The following DOCK3 variants were observed in gnomAD, a reference collection of about 807,000 sequenced individuals.
The protein encoded by DOCK3 is dedicator of cytokinesis 3.
DOCK3 carries 60 observed loss-of-function variants against 265.6 expected under a neutral mutation model. The observed-to-expected ratio is 0.23, with a 90% CI of 0.18 to 0.28. The LOEUF (loss-of-function observed/expected upper bound fraction) is 0.28. DOCK3 is among the 10% of genes least tolerant of loss of function. The pLI, the probability that DOCK3 is intolerant of heterozygous loss-of-function variation, is 1.00. For synonymous variants in DOCK3, 881 were observed against 938.0 expected (o/e 0.94, Z 1.11); for missense variants, 1,981 against 2,594.3 (o/e 0.76, Z 5.14).
intron 27 of DOCK3, among the ~76,000 whole-genome samples, chr3:51,287,001 A>G (rs1328212974): frequency 2.6e-5 from 4 of 152,244 alleles, no homozygotes; most frequent in Admixed American, 2.6e-4. Flanking sequence ...GCTTCTGCAC[A>G]GAAAAACTCT....
chr3:51,204,514 C>T (rs1217696944), intron 12 of DOCK3, among the ~76,000 whole-genome samples: 1 of 146,846 alleles, frequency 6.8e-6, no homozygotes, highest in Admixed American at 7.0e-5. Context: ...AGTCAGGAAA[C>T]AACAGGTGCT....
At chr3:50,747,288 G>T (rs2039508070) in intron 1 of DOCK3, among the ~76,000 whole-genome samples, 1 of 151,946 alleles carries the variant, frequency 6.6e-6, no homozygotes, top group South Asian at 2.1e-4. Flanking sequence ...AGTTGTCTTG[G>T]CTATTCTATG....
At chr3:51,004,079 G>A (rs2078578121) in intron 5 of DOCK3, among the ~76,000 whole-genome samples, 1 of 152,116 alleles carries the variant, frequency 6.6e-6, no homozygotes, top group Non-Finnish European at 1.5e-5. Context: ...GTGTGGGCTT[G>A]ATGTAATGAC....
chr3:51,279,249 T>C (rs2080986786), intron 26 of DOCK3, among the ~76,000 whole-genome samples: 1 of 151,962 alleles, frequency 6.6e-6, no homozygotes, highest in Non-Finnish European at 1.5e-5. Flanking sequence ...CAAAACTCCA[T>C]CCCAAAAAAC....
chr3:51,072,851 C>T (rs2081927310), intron 6 of DOCK3, among the ~76,000 whole-genome samples: 1 of 151,568 alleles, frequency 6.6e-6, no homozygotes, highest in South Asian at 2.1e-4. Flanking sequence ...ACTGCAGTCA[C>T]ATGCCATCAC....
At chr3:50,781,489 G>T (rs1310205709) in intron 2 of DOCK3, among the ~76,000 whole-genome samples, 2 of 151,930 alleles carry the variant, frequency 1.3e-5, no homozygotes, top group Non-Finnish European at 2.9e-5. Context: ...AGGCAGGCTG[G>T]TCTTGAGCTC....
chr3:50,832,932 A>G (rs1269845345), intron 2 of DOCK3, among the ~76,000 whole-genome samples: 1 of 152,204 alleles, frequency 6.6e-6, no homozygotes, highest in Non-Finnish European at 1.5e-5. Flanking sequence ...TAAGTCTTCA[A>G]TTTAAGAAAA....
At chr3:51,237,731 A>G (rs911323822) in intron 21 of DOCK3, 141 bp downstream of exon 21, 10 of 726,538 alleles carry the variant, frequency 1.4e-5, no homozygotes, top group Non-Finnish European at 1.6e-5. Context: ...TAAAATACAC[A>G]TAACACAAAA....
At chr3:50,711,464 A>G (rs986395258) in intron 1 of DOCK3, among the ~76,000 whole-genome samples, 19 of 152,018 alleles carry the variant, frequency 1.2e-4, no homozygotes, top group African/African-American at 3.9e-4. Context: ...GGGTTTCACC[A>G]TGTTAGCCAG....
intron 32 of DOCK3, among the ~76,000 whole-genome samples, chr3:51,322,537 G>A (rs6773260): frequency 0.87 from 132,751 of 152,196 alleles, 57,993 homozygotes; most frequent in East Asian, 0.94. Context: ...CAAGAATTTC[G>A]TATCCAGCCA....
At chr3:51,233,344 A>T (rs1560254246) in intron 19 of DOCK3, among the ~76,000 whole-genome samples, 2 of 38,294 alleles carry the variant, frequency 5.2e-5, no homozygotes, top group African/African-American at 1.4e-4. Flanking sequence ...CTATCTATCT[A>T]TCTATCTATC....
rs939479727 is a variant in DOCK3, at chr3:51,140,608, A to C, written c.747-5941A>C. The stretch of plus-strand genomic sequence containing the variant: ...CCATATGTTTTTATTTCTCTTGGAT[A>C]TATACCTAGGAGTAGAATTTCTGGG... On this transcript the variant is annotated intron_variant, in intron 9 of 52. Coordinates refer to ENST00000266037, the MANE Select transcript of DOCK3 (RefSeq NM_004947.5). Among the ~76,000 whole-genome samples, 3 of 152,094 alleles carry C rather than the reference A, an allele frequency of 2.0e-5. No homozygotes were observed. In the South Asian group the frequency reaches 6.2e-4, roughly 32 times the overall value.
chr3:51,072,764 G>A (rs4927961), intron 6 of DOCK3, among the ~76,000 whole-genome samples: 10,703 of 151,820 alleles, frequency 0.07, 961 homozygotes, highest in East Asian at 0.33. Flanking sequence ...CGAGTGAAGT[G>A]ACACAATAAT....
chr3:51,270,651 C>T (rs1560323015), intron 23 of DOCK3, among the ~76,000 whole-genome samples, 164 bp from the exon 24 acceptor site: 1 of 152,174 alleles, frequency 6.6e-6, no homozygotes, highest in Non-Finnish European at 1.5e-5. Context: ...GTTTTTCTTG[C>T]TCCATGCCTG....
chr3:51,112,081 A>T (rs1414697306), intron 9 of DOCK3, among the ~76,000 whole-genome samples: 1 of 152,176 alleles, frequency 6.6e-6, no homozygotes, highest in Non-Finnish European at 1.5e-5. Context: ...GAGGTTGTGG[A>T]GAAAAGGGAA....
intron 14 of DOCK3, among the ~76,000 whole-genome samples, chr3:51,219,683 T>G (rs925143204): frequency 2.0e-5 from 3 of 152,236 alleles, no homozygotes; most frequent in African/African-American, 7.2e-5. Flanking sequence ...TTTTTGGCTT[T>G]GTGGGACATA....
At position 51,277,645 on chromosome 3, in the gene DOCK3, A is replaced by T; in HGVS notation, c.2714A>T (p.Glu905Val). The T allele has an allele frequency of 6.3e-7, 1 of 1,579,804 alleles. No homozygotes were observed. The highest frequency in any genetic ancestry group is 8.6e-7 in the Non-Finnish European group (1 of 1,162,234). ...ATGGAGGAAGTAGAGATGATGGTGG[A>T]GAGCCTCCTGGACGTGCTCTTGCAG... is the stretch of plus-strand genomic sequence containing the variant. ...DVMEEVEMMV[E>V]SLLDVLLQTL... Residue 905 changes from glutamate (E) to valine (V), a missense_variant, in exon 26 of 53, where the codon GAG becomes GTG. By Grantham distance (121) the Glu-to-Val change is moderately radical. This residue lies in a region of DOCK3 where 1,357 missense variants were observed against 1,866.8 expected (regional missense o/e 0.73). Coordinates refer to ENST00000266037, the MANE Select transcript of DOCK3 (RefSeq NM_004947.5).
At chr3:50,724,991 C>A (rs76206614) in intron 1 of DOCK3, among the ~76,000 whole-genome samples, 8 of 139,772 alleles carry the variant, frequency 5.7e-5, no homozygotes, top group Non-Finnish European at 4.7e-5. Flanking sequence ...GATTCTGTCT[C>A]AAAAAAAAAA....
intron 14 of DOCK3, among the ~76,000 whole-genome samples, chr3:51,225,334 G>A (rs983632726): frequency 6.6e-6 from 1 of 152,132 alleles, no homozygotes; most frequent in African/African-American, 2.4e-5. Flanking sequence ...TCCCTCTTTG[G>A]GAGGCTTAGA....
Sources: allele counts gnomAD v4.1 joint callset (sites outside exome capture counted in the v4.1 genomes callset), GRCh38; gene constraint gnomAD v4.1.1; regional missense constraint gnomAD v4.1.1; transcripts MANE v1.5; gene names NCBI Gene and HGNC (gene_info 2026-07-23, HGNC 2026-07-21).